The following GRM7 variants were observed in gnomAD, a reference collection of about 807,000 sequenced individuals.
GRM7 encodes the protein metabotropic glutamate receptor 7.
A neutral mutation model predicts 84.5 loss-of-function variants in GRM7; 35 were observed. The ratio of observed to expected loss-of-function variants is 0.41; its 90% CI spans 0.32 to 0.55. The LOEUF is 0.55. GRM7 is among the 20% of genes least tolerant of loss of function. The pLI, the probability that GRM7 is intolerant of heterozygous loss-of-function variation, is 0.19. For synonymous variants in GRM7, 487 were observed against 455.1 expected, an observed-to-expected ratio of 1.07 and a Z score of -0.89; for missense variants, 1,003 against 1,194.6, an observed-to-expected ratio of 0.84 and a Z score of 2.36.
intron 2 of GRM7, among the ~76,000 whole-genome samples, chr3:7,296,101 G>C (rs9850091): frequency 6.6e-6 from 1 of 151,198 alleles, no homozygotes; most frequent in Non-Finnish European, 1.5e-5. Context: ...TATATATATA[G>C]AGAGAGAGAA....
At chr3:7,543,111 T>C (rs1692972599) in intron 7 of GRM7, among the ~76,000 whole-genome samples, 2 of 152,202 alleles carry the variant, frequency 1.3e-5, no homozygotes, top group South Asian at 2.1e-4. Flanking sequence ...GCAATTATGG[T>C]GTGTCCTATC....
intron 8 of GRM7, chr3:7,591,368 A>G: frequency 3.2e-6 from 1 of 308,276 alleles, no homozygotes; most frequent in South Asian, 2.7e-5. Context: ...AAAAAAATAC[A>G]GTAATACACA....
chr3:7,341,167 G>A (rs1168508065), intron 4 of GRM7, among the ~76,000 whole-genome samples: 1 of 152,110 alleles, frequency 6.6e-6, no homozygotes, highest in African/African-American at 2.4e-5. Context: ...AAATATTTCT[G>A]AGTGAAAGTC....
intron 9 of GRM7, among the ~76,000 whole-genome samples, chr3:7,737,420 A>G (rs1229414100): frequency 6.6e-6 from 1 of 152,230 alleles, no homozygotes; most frequent in Non-Finnish European, 1.5e-5. Context: ...AGAGAAAAAC[A>G]TACTATTTTA....
intron 1 of GRM7, among the ~76,000 whole-genome samples, chr3:7,139,833 C>T (rs1693890128): frequency 6.6e-6 from 1 of 151,698 alleles, no homozygotes; most frequent in African/African-American, 2.4e-5. Flanking sequence ...CTTCATCAAA[C>T]TAAAAAGTTT....
intron 1 of GRM7, among the ~76,000 whole-genome samples, chr3:7,087,468 A>G (rs1698500858): frequency 6.6e-6 from 1 of 152,022 alleles, no homozygotes; most frequent in Non-Finnish European, 1.5e-5. Flanking sequence ...GCTAGGGAAA[A>G]GACAAGTTTA....
At chr3:7,411,741 G>C (rs766443664) in intron 4 of GRM7, among the ~76,000 whole-genome samples, 14 of 152,108 alleles carry the variant, frequency 9.2e-5, no homozygotes, top group African/African-American at 3.4e-4. Context: ...AGTTATTACA[G>C]GTATTACCAC....
intron 8 of GRM7, among the ~76,000 whole-genome samples, chr3:7,676,051 G>A (rs1700108640): frequency 6.6e-6 from 1 of 151,826 alleles, no homozygotes; most frequent in Non-Finnish European, 1.5e-5. Context: ...TCGTGATCTT[G>A]GCTCAGTGCA....
chr3:7,232,736 A>G (rs139046606), intron 2 of GRM7, among the ~76,000 whole-genome samples: 7 of 152,302 alleles, frequency 4.6e-5, no homozygotes, highest in African/African-American at 1.7e-4. Flanking sequence ...TGCAATAGTT[A>G]CTTTTATTAG....
intron 8 of GRM7, among the ~76,000 whole-genome samples, chr3:7,671,351 C>T (rs1462871548): frequency 6.6e-6 from 1 of 152,044 alleles, no homozygotes; most frequent in African/African-American, 2.4e-5. Flanking sequence ...TCTCTGATTA[C>T]ACTATTTGGG....
At chr3:7,410,107 G>T (rs1438897833) in intron 4 of GRM7, among the ~76,000 whole-genome samples, 1 of 152,064 alleles carries the variant, frequency 6.6e-6, no homozygotes, top group African/African-American at 2.4e-5. Context: ...AAAGGCAGTC[G>T]GGTGGTGAGG....
At chr3:7,092,214 A>G (rs1433424012) in intron 1 of GRM7, among the ~76,000 whole-genome samples, 5 of 152,090 alleles carry the variant, frequency 3.3e-5, no homozygotes, top group African/African-American at 1.2e-4. Context: ...ATGTGTCAGA[A>G]CAGAATCTAG....
intron 9 of GRM7, among the ~76,000 whole-genome samples, chr3:7,728,880 T>C (rs1228670741): frequency 2.0e-5 from 3 of 152,214 alleles, no homozygotes; most frequent in Non-Finnish European, 2.9e-5. Flanking sequence ...AATCCCACTG[T>C]AGTACTGACT....
intron 1 of GRM7, among the ~76,000 whole-genome samples, chr3:7,030,842 A>G (rs1200360934): frequency 6.6e-6 from 1 of 152,198 alleles, no homozygotes; most frequent in Non-Finnish European, 1.5e-5. Flanking sequence ...CTGCCATAAA[A>G]TTGTCTAACA....
intron 2 of GRM7, among the ~76,000 whole-genome samples, chr3:7,288,147 A>T (rs1699496204): frequency 6.6e-6 from 1 of 152,186 alleles, no homozygotes; most frequent in South Asian, 2.1e-4. Flanking sequence ...TACTGACAGG[A>T]TGAAGACTCA....
chr3:7,271,109 A>G (rs994035455), intron 2 of GRM7, among the ~76,000 whole-genome samples: 1 of 152,228 alleles, frequency 6.6e-6, no homozygotes, highest in Non-Finnish European at 1.5e-5. Flanking sequence ...ATGGTGAGAA[A>G]AGGAGGGACA....
At chr3:7,728,972 A>G (rs1361915734) in intron 9 of GRM7, among the ~76,000 whole-genome samples, 5 of 151,610 alleles carry the variant, frequency 3.3e-5, no homozygotes, top group Admixed American at 3.3e-4. Flanking sequence ...CCTCCTACCT[A>G]TGGAGATAAG....
chr3:7,148,979 T>C (rs1158892364), intron 2 of GRM7, among the ~76,000 whole-genome samples: 1 of 152,192 alleles, frequency 6.6e-6, no homozygotes, highest in East Asian at 1.9e-4. Flanking sequence ...GTATTTATAA[T>C]AAGTATTTAA....
At chr3:7,199,219 G>A (rs180900252) in intron 2 of GRM7, among the ~76,000 whole-genome samples, 42 of 152,248 alleles carry the variant, frequency 2.8e-4, no homozygotes, top group Non-Finnish European at 4.7e-4. Context: ...TCTCTCTTGG[G>A]AATCTGTTCA....
Sources: allele counts gnomAD v4.1 joint callset (sites outside exome capture counted in the v4.1 genomes callset), GRCh38; gene constraint gnomAD v4.1.1; transcripts MANE v1.5; gene names NCBI Gene and HGNC (gene_info 2026-07-23, HGNC 2026-07-21).